The following TNKS2 variants were observed in gnomAD, a reference collection of about 807,000 sequenced individuals.
TNKS2 encodes the protein tankyrase 2.
TNKS2 carries 72 observed loss-of-function variants against 137.6 expected under a neutral mutation model. The observed-to-expected ratio is 0.52, with a 90% CI of 0.43 to 0.64. The LOEUF is 0.64. Among genes scored for constraint, TNKS2 ranks in the 30% least tolerant of loss-of-function variants. The pLI is 0.00. For synonymous variants in TNKS2, 516 were observed against 512.1 expected, an observed-to-expected ratio of 1.01 and a Z score of -0.10; for missense variants, 1,049 against 1,410.2, an observed-to-expected ratio of 0.74 and a Z score of 4.10.
chr10:91,816,686 C>CTTTTTTTTTTTTTTTTTTTTTTTTTT (rs34591746), intron 2 of TNKS2, among the ~76,000 whole-genome samples: 1 of 147,722 alleles, frequency 6.8e-6, no homozygotes. Context: ...GTGTGATTTT[C>CTTTTTTTTTTTTTTTTTTTTTTTTTT]TTTTTTTTTT....
At position 91,863,182 on chromosome 10, in the gene TNKS2, T is replaced by C; in HGVS notation, c.*183T>C. 2.1e-6 allele frequency: 1 copy of C among 481,134 alleles called. No individual in the cohort carries two copies. The allele number at this position is 481,134 out of a possible 1,614,324, so 29.8% of individuals were successfully genotyped here. ...AGCTTTAATAATGTACAGTGTTTTC[T>C]AAATATTTCCTGTTTTTTCAGCACT... On this transcript the variant is annotated 3_prime_UTR_variant, in exon 27 of 27. Transcript: ENST00000371627.
intron 21 of TNKS2, among the ~76,000 whole-genome samples, chr10:91,854,176 A>G (rs1467531686): frequency 6.6e-6 from 1 of 152,224 alleles, no homozygotes; most frequent in Non-Finnish European, 1.5e-5. Flanking sequence ...ACCTGAGGCT[A>G]TGCAAGTTTC....
intron 24 of TNKS2, among the ~76,000 whole-genome samples, chr10:91,858,183 T>G (rs1056351298): frequency 1.3e-5 from 2 of 152,208 alleles, no homozygotes; most frequent in South Asian, 2.1e-4. Context: ...TGTCCTTGAT[T>G]GCAGAAAAAT....
intron 2 of TNKS2, among the ~76,000 whole-genome samples, chr10:91,816,907 T>C (rs935850035): frequency 1.6e-4 from 25 of 152,192 alleles, no homozygotes; most frequent in Admixed American, 5.9e-4. Context: ...AAAATCTGCA[T>C]TGAACTGAGG....
In TNKS2 at chr10:91,798,738, C is replaced by T; in HGVS notation, c.48C>T (p.Ala16=). The stretch of plus-strand genomic sequence containing the variant: ...GCGGGGGAGCGGCCTGCGCGAGCGC[C>T]GCGGCCGAGGCCGTGGAGCCGGCCG... The part of the protein sequence containing the change: ...CAGGGAACAS[A]AAEAVEPAAR... The change falls in exon 1 of 27, where the codon GCC becomes GCT. Residue 16 remains alanine, a synonymous_variant. Transcript: ENST00000371627. 3 of 1,245,964 alleles carry T rather than the reference C, an allele frequency of 2.4e-6. No homozygotes were observed. Among genetic ancestry groups the T allele is most frequent in the Non-Finnish European group, 3.0e-6 (3 of 990,414 alleles). The allele number at this position is 1,245,964 out of a possible 1,614,324, so 77.2% of individuals were successfully genotyped here.
intron 11 of TNKS2, among the ~76,000 whole-genome samples, chr10:91,832,227 A>G (rs1176114784): frequency 6.6e-6 from 1 of 152,090 alleles, no homozygotes; most frequent in African/African-American, 2.4e-5. Context: ...TCTCTGTTCT[A>G]TATCTGTTTG....
At chr10:91,845,166 C>T (rs1477053117) in intron 17 of TNKS2, 138 bp downstream of exon 17, 1 of 669,970 alleles carries the variant, frequency 1.5e-6, no homozygotes, top group Non-Finnish European at 2.6e-6. Context: ...TAAATAACTT[C>T]CAAATTTCGG....
chr10:91,810,926 T>C (rs1418128834), intron 1 of TNKS2, among the ~76,000 whole-genome samples: 1 of 108,378 alleles, frequency 9.2e-6, no homozygotes, highest in Non-Finnish European at 1.9e-5. Context: ...TTTTCTTTTT[T>C]TTTTTTTTTT....
At chr10:91,835,588 C>CAACCATG (rs1308415904) in intron 12 of TNKS2, among the ~76,000 whole-genome samples, 2 of 91,226 alleles carry the variant, frequency 2.2e-5, no homozygotes, top group African/African-American at 5.0e-5. Flanking sequence ...CATGCCCGGC[C>CAACCATG]TTTCTTTTTT....
At chr10:91,855,231 C>G in intron 22 of TNKS2, 105 bp downstream of exon 22, 1 of 730,330 alleles carries the variant, frequency 1.4e-6, no homozygotes, top group Non-Finnish European at 2.3e-6. Context: ...TAATTTTCAC[C>G]TATAAAATCT....
At position 91,859,443 on chromosome 10, in the gene TNKS2, C is replaced by A; in HGVS notation, c.3095-19C>A. ...AAGATAAATTTTAAATTATTGTTACCCATCTATATGTGTTTCAGGGTCTCC... is the reference window on the plus strand; with the variant it reads ...AAGATAAATTTTAAATTATTGTTACACATCTATATGTGTTTCAGGGTCTCC... On this transcript the variant is annotated intron_variant, in intron 24 of 26. Transcript: ENST00000371627. 2 of 1,442,226 alleles carry A rather than the reference C, an allele frequency of 1.4e-6. No individual in the cohort carries two copies. Among genetic ancestry groups the A allele is most frequent in the Non-Finnish European group, 1.8e-6 (2 of 1,091,692 alleles). 89.3% of individuals were successfully genotyped at this position (1,442,226 alleles called of 1,614,324 possible).
chr10:91,855,262 A>G (rs1842671228), intron 22 of TNKS2, 136 bp downstream of exon 22: 1 of 653,650 alleles, frequency 1.5e-6, no homozygotes, highest in African/African-American at 1.9e-5. Context: ...TGATTATCTA[A>G]TATTACTAGA....
At position 91,844,834 on chromosome 10, in the gene TNKS2, T is replaced by C. The variant is rs142896467; in HGVS notation, c.2060-85T>C. On this transcript the variant is annotated intron_variant, in intron 16 of 26. Coordinates refer to ENST00000371627, the MANE Select transcript of TNKS2 (RefSeq NM_025235.4). ...TATATATGTATACATGTAATGACTTTTTTATGTTAACAAGTGGAAGTATTA... is the reference window on the plus strand; with the variant it reads ...TATATATGTATACATGTAATGACTTCTTTATGTTAACAAGTGGAAGTATTA... 3.0e-3 allele frequency: 2,431 copies of C among 810,258 alleles called. 5 individuals are homozygous for C. Among genetic ancestry groups the C allele is most frequent in the Non-Finnish European group, 4.0e-3 (2,026 of 509,294 alleles). The allele number at this position is 810,258 out of a possible 1,614,324, so 50.2% of individuals were successfully genotyped here.
rs199739075 is a variant in TNKS2, at chr10:91,836,975, G to A, written c.1504G>A (p.Ala502Thr). 1 of 1,613,380 alleles carries A rather than the reference G, an allele frequency of 6.2e-7. No individual in the cohort carries two copies. The highest frequency in any genetic ancestry group is 8.5e-7 in the Non-Finnish European group (1 of 1,179,634). The change falls in exon 13 of 27, where the codon GCT (alanine) becomes ACT (threonine). Residue 502 changes from alanine (A) to threonine (T), a missense_variant. By Grantham distance (58) the Ala-to-Thr change is moderately conservative (BLOSUM62 0). This residue lies in a region of TNKS2 where 328 missense variants were observed against 436.0 expected (regional missense o/e 0.75). Coordinates refer to ENST00000371627, the MANE Select transcript of TNKS2 (RefSeq NM_025235.4). ...ADRQLLEAAK[A>T]GDVETVKKLC... Reference sequence around the variant, plus strand: ...CAGACAATTGCTGGAAGCTGCAAAGGCTGGAGATGTCGAAACTGTAAAAGT... The same window carrying A: ...CAGACAATTGCTGGAAGCTGCAAAGACTGGAGATGTCGAAACTGTAAAAGT...
chr10:91,810,547 G>T (rs1014236642), intron 1 of TNKS2, among the ~76,000 whole-genome samples: 1 of 151,758 alleles, frequency 6.6e-6, no homozygotes, highest in African/African-American at 2.4e-5. Context: ...CTGTCTCCCA[G>T]GCTGGAGTGC....
chr10:91,847,142 AT>A (rs1274406981), intron 18 of TNKS2, among the ~76,000 whole-genome samples: 7 of 152,198 alleles, frequency 4.6e-5, no homozygotes, highest in Admixed American at 4.6e-4. Context: ...AACAAATGTC[AT>A]TTACAAATTG....
At chr10:91,809,551 A>G (rs1844433387) in intron 1 of TNKS2, among the ~76,000 whole-genome samples, 1 of 152,020 alleles carries the variant, frequency 6.6e-6, no homozygotes, top group South Asian at 2.1e-4. Context: ...CTGTAGTCCC[A>G]GCTACTCGGG....
At chr10:91,823,852 C>T (rs935249034) in intron 7 of TNKS2, among the ~76,000 whole-genome samples, 4 of 152,130 alleles carry the variant, frequency 2.6e-5, no homozygotes, top group African/African-American at 9.7e-5. Flanking sequence ...TTATGAAATA[C>T]GTTTTCCCAT....
At chr10:91,850,683 C>T (rs1307382283) in intron 20 of TNKS2, among the ~76,000 whole-genome samples, 2 of 152,172 alleles carry the variant, frequency 1.3e-5, no homozygotes, top group African/African-American at 4.8e-5. Flanking sequence ...TGCACTTTTG[C>T]ACTCCAGCCT....
Sources: gnomAD v4.1 joint callset for allele counts (sites outside exome capture counted in the v4.1 genomes callset) on GRCh38, gnomAD v4.1.1 for gene constraint, gnomAD v4.1.1 regional missense constraint, MANE v1.5 for transcripts, NCBI Gene and HGNC (gene_info 2026-07-23, HGNC 2026-07-21) for gene names.